The following SCN3B variants were observed in gnomAD, a reference collection of about 807,000 sequenced individuals.
SCN3B encodes sodium channel regulatory subunit beta-3.
In SCN3B, 11 loss-of-function variants were observed where a neutral mutation model predicts 25.4. The observed-to-expected ratio is 0.43, with a 90% CI of 0.27 to 0.72. The LOEUF is 0.72. Ranked by LOEUF, SCN3B falls within the 30% of genes least tolerant of loss-of-function variation. SCN3B has a pLI of 0.18. For synonymous variants in SCN3B, 109 were observed against 110.7 expected (o/e 0.99, Z 0.09); for missense variants, 218 against 278.3 (o/e 0.78, Z 1.54).
rs1955696915 is a variant in SCN3B, at chr11:123,633,763, G to C, written c.*36C>G. 1 of 329,428 alleles carries C rather than the reference G, an allele frequency of 3.0e-6. No homozygotes were observed. The highest frequency in any genetic ancestry group is 6.0e-6 in the Non-Finnish European group (1 of 167,794). 20.4% of individuals were successfully genotyped at this position (329,428 alleles called of 1,614,324 possible). On this transcript the variant is annotated 3_prime_UTR_variant, in exon 7 of 7. Transcript: ENST00000299333. ...TGAACATGGGATGTCCAGTCCCTCAGGTGTTCAGGCCACCTACCAAAGATA... is the reference window on the plus strand; with the variant it reads ...TGAACATGGGATGTCCAGTCCCTCACGTGTTCAGGCCACCTACCAAAGATA...
At position 123,641,674 on chromosome 11, in the gene SCN3B, A is replaced by G. The variant is rs561378268; in HGVS notation, c.445+772T>C. Among the ~76,000 whole-genome samples the G allele has an allele frequency of 3.9e-5, 6 of 152,246 alleles. No individual in the cohort carries two copies. The East Asian group carries it at 7.7e-4, about 20-fold the overall frequency. ...AGTTAGGCTGCTGAAAGGCCTTCCC[A>G]CTCACGAACACGGAACTAGCTGTAG... is the stretch of plus-strand genomic sequence containing the variant. On this transcript the variant is annotated intron_variant, in intron 4 of 6. Transcript: ENST00000299333.
intron 2 of SCN3B, 84 bp from the exon 3 acceptor site, chr11:123,645,834 G>T: frequency 6.7e-7 from 1 of 1,490,462 alleles, no homozygotes; most frequent in Non-Finnish European, 9.3e-7. Flanking sequence ...AAGAAGGAGG[G>T]AGGGAAGAGA....
intron 4 of SCN3B, chr11:123,641,204 C>G (rs1441605051): frequency 6.6e-6 from 1 of 152,414 alleles, no homozygotes; most frequent in African/African-American, 2.4e-5. Flanking sequence ...AACTTCAGAA[C>G]AGGGGAGTAC....
At chr11:123,638,605 A>C (rs991954568) in intron 4 of SCN3B, 1 of 457,704 alleles carries the variant, frequency 2.2e-6, no homozygotes, top group Non-Finnish European at 4.0e-6. Flanking sequence ...CTGGCTGTCC[A>C]TTTTGCTATT....
intron 2 of SCN3B, 80 bp downstream of exon 2, chr11:123,653,667 C>T (rs1040503435): frequency 1.2e-5 from 18 of 1,527,680 alleles, no homozygotes; most frequent in Middle Eastern, 1.7e-4. Flanking sequence ...TCTTTTCTGT[C>T]ACCAACGACA....
chr11:123,643,260 G>T (rs1238194253), intron 3 of SCN3B, among the ~76,000 whole-genome samples: 1 of 152,198 alleles, frequency 6.6e-6, no homozygotes, highest in Non-Finnish European at 1.5e-5. Context: ...CTGAAGCATG[G>T]CAGATGAGCA....
intron 2 of SCN3B, among the ~76,000 whole-genome samples, chr11:123,649,575 A>T (rs528853281): frequency 1.2e-3 from 177 of 152,136 alleles, no homozygotes; most frequent in Middle Eastern, 3.4e-3. Flanking sequence ...TTGAGTCTTC[A>T]GCACACCACT....
At chr11:123,643,072 A>C (rs1293236519) in intron 3 of SCN3B, among the ~76,000 whole-genome samples, 1 of 152,208 alleles carries the variant, frequency 6.6e-6, no homozygotes. Context: ...AGAACAAGAG[A>C]GTAAGATGTG....
intron 2 of SCN3B, among the ~76,000 whole-genome samples, chr11:123,650,924 T>G (rs1955917930): frequency 6.6e-6 from 1 of 152,122 alleles, no homozygotes; most frequent in South Asian, 2.1e-4. Flanking sequence ...GGGTTTTATT[T>G]ATTTATTTAT....
At chr11:123,640,413 G>A (rs923752508) in intron 4 of SCN3B, 11 of 152,326 alleles carry the variant, frequency 7.2e-5, no homozygotes, top group African/African-American at 2.7e-4. Flanking sequence ...GACCTTGTGG[G>A]ACCACAGGAA....
In SCN3B at chr11:123,642,740, G is replaced by C. The variant is rs2137242419; in HGVS notation, c.220-69C>G. On this transcript the variant is annotated intron_variant, in intron 3 of 6. Transcript: ENST00000299333. The surrounding 1 kb of genome is among the most constrained non-coding windows in gnomAD (Gnocchi z 4.3). ...TGGCAGTGGGGGGAAGCCGAGTTAG[G>C]GACAGGGCAGAGAAAAGGAGCAGAA... is the stretch of plus-strand genomic sequence containing the variant. 1 of 1,190,074 alleles carries C rather than the reference G, an allele frequency of 8.4e-7. No individual in the cohort carries two copies. The highest frequency in any genetic ancestry group is 1.2e-6 in the Non-Finnish European group (1 of 809,418). The allele number at this position is 1,190,074 out of a possible 1,614,324, so 73.7% of individuals were successfully genotyped here. A position where few individuals can be genotyped will look rare whatever the true frequency, so the allele number is the denominator to read the frequency against.
At chr11:123,648,558 G>A (rs2137250754) in intron 2 of SCN3B, among the ~76,000 whole-genome samples, 1 of 152,256 alleles carries the variant, frequency 6.6e-6, no homozygotes, top group African/African-American at 2.4e-5. Flanking sequence ...TGGAGGGAGA[G>A]GGAAAACAGC....
intron 3 of SCN3B, among the ~76,000 whole-genome samples, chr11:123,643,832 T>A (rs556778778): frequency 1.5e-3 from 233 of 152,390 alleles, no homozygotes; most frequent in African/African-American, 5.5e-3. Context: ...AGCTGGGGGC[T>A]AGCCTCAGTT....
intron 1 of SCN3B, 127 bp from the exon 2 acceptor site, chr11:123,653,953 G>T: frequency 1.2e-6 from 1 of 837,800 alleles, no homozygotes; most frequent in East Asian, 2.5e-5. Context: ...CCGGTGCCTG[G>T]GGAGGCCCTG....
At chr11:123,653,345 T>A (rs1955953501) in intron 2 of SCN3B, among the ~76,000 whole-genome samples, 1 of 150,414 alleles carries the variant, frequency 6.6e-6, no homozygotes. Flanking sequence ...TTTTTTAATA[T>A]ACAGAAACGA....
chr11:123,648,731 AAC>A (rs1955884734), intron 2 of SCN3B, among the ~76,000 whole-genome samples: 1 of 152,254 alleles, frequency 6.6e-6, no homozygotes, highest in African/African-American at 2.4e-5. Context: ...AGGCATGTCA[AAC>A]ACAGGAAATT....
intron 1 of SCN3B, 33 bp from the exon 2 acceptor site, chr11:123,653,859 C>T (rs893207656): frequency 3.2e-6 from 5 of 1,581,056 alleles, no homozygotes; most frequent in Non-Finnish European, 4.3e-6. Flanking sequence ...TCAAGGACTG[C>T]GCCCTCTCAG....
chr11:123,650,597 T>A lies in SCN3B; in HGVS notation c.55+3150A>T, dbSNP rs992450104. On this transcript the variant is annotated intron_variant, in intron 2 of 6. Coordinates refer to ENST00000299333, the MANE Select transcript of SCN3B (RefSeq NM_001040151.2). ...AGAGAAGGTACTAGGTGCTAGTGAG[T>A]GAGGCCCTAGGACAGGTGATGGTGT... Among the ~76,000 whole-genome samples, 4 of 151,978 alleles carry A rather than the reference T, an allele frequency of 2.6e-5. No individual in the cohort carries two copies. In the East Asian group the frequency reaches 7.7e-4, roughly 29 times the overall value.
intron 2 of SCN3B, among the ~76,000 whole-genome samples, chr11:123,648,055 T>G (rs1452424777): frequency 6.6e-6 from 1 of 152,200 alleles, no homozygotes; most frequent in Non-Finnish European, 1.5e-5. Context: ...GAAATGTGGT[T>G]TGCGCAAAAG....
Sources: allele counts gnomAD v4.1 joint callset (sites outside exome capture counted in the v4.1 genomes callset), GRCh38; gene constraint gnomAD v4.1.1; non-coding constraint Gnocchi (gnomAD v3.1); transcripts MANE v1.5; gene names NCBI Gene and HGNC (gene_info 2026-07-23, HGNC 2026-07-21).